TCF4: variants seen among roughly 807,000 people sequenced by gnomAD.
The protein encoded by TCF4 is transcription factor 4, also known as SL3-3 enhancer factor 2.
Under a neutral mutation model 82.1 loss-of-function variants are expected in TCF4, and 3 were observed. That is an observed-to-expected ratio of 0.04 (90% CI 0.02 to 0.09). The LOEUF (loss-of-function observed/expected upper bound fraction) is 0.09. Ranked by LOEUF, TCF4 falls within the 10% of genes least tolerant of loss-of-function variation. The pLI is 1.00. For synonymous variants in TCF4, 276 were observed against 309.6 expected (o/e 0.89, Z 1.14); for missense variants, 518 against 852.7 (o/e 0.61, Z 4.89).
rs564252988 is a variant in TCF4, at chr18:55,392,058, G to T, written c.369+11396C>A. On this transcript the variant is annotated intron_variant, in intron 6 of 19. Transcript: ENST00000354452. ...GGCTCACTGCAACCTCCGCCTCCCA[G>T]GTTCAAGCAATTCTTGTGCCTCAGC... Among the ~76,000 whole-genome samples, 100 of 128,372 alleles carry T rather than the reference G, an allele frequency of 7.8e-4. 3 individuals carry two copies. The highest frequency in any genetic ancestry group is 2.7e-3 in the African/African-American group (88 of 32,902). 84.2% of individuals were successfully genotyped at this position (128,372 alleles called of 152,430 possible).
intron 5 of TCF4, among the ~76,000 whole-genome samples, chr18:55,429,455 T>C (rs374476156): frequency 6.6e-6 from 1 of 152,144 alleles, no homozygotes. Flanking sequence ...ATCTCTTCCA[T>C]GAGAACTCCT....
At chr18:55,562,780 C>A (rs1256450664) in intron 3 of TCF4, among the ~76,000 whole-genome samples, 3 of 152,096 alleles carry the variant, frequency 2.0e-5, no homozygotes, top group Non-Finnish European at 4.4e-5. Context: ...AACAACTTAG[C>A]CTTCTACCAT....
intron 3 of TCF4, among the ~76,000 whole-genome samples, chr18:55,528,698 C>G (rs1307083271): frequency 6.6e-6 from 1 of 152,182 alleles, no homozygotes; most frequent in Non-Finnish European, 1.5e-5. Flanking sequence ...AAAGCTGACC[C>G]TAAGCTACGT....
intron 2 of TCF4, among the ~76,000 whole-genome samples, chr18:55,622,879 C>T (rs2097722843): frequency 5.9e-5 from 1 of 16,952 alleles, no homozygotes; most frequent in African/African-American, 3.0e-4. Flanking sequence ...TCTTTCTCCA[C>T]TCTGTGTGTG....
chr18:55,288,869 A>G (rs928206268), intron 8 of TCF4, among the ~76,000 whole-genome samples: 2 of 152,236 alleles, frequency 1.3e-5, no homozygotes, highest in Admixed American at 1.3e-4. Context: ...ACGACTAAAT[A>G]TCAGCACACT....
At chr18:55,374,153 A>G (rs548016759) in intron 6 of TCF4, among the ~76,000 whole-genome samples, 78 of 152,314 alleles carry the variant, frequency 5.1e-4, no homozygotes, top group Non-Finnish European at 1.0e-3. Flanking sequence ...GGATGCAGCC[A>G]AAGCTGTAAC....
At chr18:55,275,567 A>T (rs1297911208) in intron 10 of TCF4, 52 bp downstream of exon 10, 1 of 1,612,560 alleles carries the variant, frequency 6.2e-7, no homozygotes, top group Non-Finnish European at 8.5e-7. Context: ...ACAGAGGACG[A>T]GGTTTAATCA....
In TCF4 at chr18:55,439,629, C is replaced by T. The variant is rs77851687; in HGVS notation, c.304+21390G>A. ...GGACACAAAAATCATCCTTAATAAGCACAGTAAACATTCAACGCTGGGCAT... is the reference window on the plus strand; with the variant it reads ...GGACACAAAAATCATCCTTAATAAGTACAGTAAACATTCAACGCTGGGCAT... On this transcript the variant is annotated intron_variant, in intron 5 of 19. Coordinates refer to ENST00000354452, the MANE Select transcript of TCF4 (RefSeq NM_001083962.2). Among the ~76,000 whole-genome samples the T allele has an allele frequency of 1.0e-3, 156 of 152,314 alleles. 1 individual carries two copies. The highest frequency in any genetic ancestry group is 3.6e-3 in the African/African-American group (148 of 41,570).
At chr18:55,360,407 A>G (rs1443705474) in intron 6 of TCF4, among the ~76,000 whole-genome samples, 1 of 152,108 alleles carries the variant, frequency 6.6e-6, no homozygotes, top group Non-Finnish European at 1.5e-5. Flanking sequence ...ATATGGCCCC[A>G]TTTTTCTTAG....
intron 5 of TCF4, among the ~76,000 whole-genome samples, chr18:55,408,498 G>GAAC (rs2094199482): frequency 6.6e-6 from 1 of 152,138 alleles, no homozygotes; most frequent in African/African-American, 2.4e-5. Context: ...TAGTAGTTCT[G>GAAC]AACACATACA....
chr18:55,440,332 C>A (rs1252767821), intron 5 of TCF4, among the ~76,000 whole-genome samples: 1 of 152,128 alleles, frequency 6.6e-6, no homozygotes. Context: ...TTTTAGGTGA[C>A]TACCGCTAAG....
intron 8 of TCF4, chr18:55,284,179 G>A (rs897621592): frequency 6.6e-6 from 1 of 152,124 alleles, no homozygotes; most frequent in East Asian, 1.9e-4. Flanking sequence ...TTGGGAGGTT[G>A]AGGTGGGTGG....
At chr18:55,483,096 C>T (rs927571730) in intron 3 of TCF4, among the ~76,000 whole-genome samples, 11 of 152,122 alleles carry the variant, frequency 7.2e-5, no homozygotes, top group African/African-American at 7.2e-5. Flanking sequence ...GTACCCAGCA[C>T]GGGGTAGGGG....
At chr18:55,338,373 G>A (rs74916982) in intron 8 of TCF4, among the ~76,000 whole-genome samples, 1,677 of 152,254 alleles carry the variant, frequency 0.011, 46 homozygotes, top group African/African-American at 0.036. Context: ...CACAGGGGAC[G>A]GAGAGGCACT....
chr18:55,501,955 AT>A (rs2096706958), intron 3 of TCF4, among the ~76,000 whole-genome samples: 1 of 152,204 alleles, frequency 6.6e-6, no homozygotes, highest in South Asian at 2.1e-4. Context: ...ATGGTGATAG[AT>A]AAGTAGCAAC....
chr18:55,558,618 A>G (rs531948634), intron 3 of TCF4, among the ~76,000 whole-genome samples: 1 of 152,350 alleles, frequency 6.6e-6, no homozygotes, highest in Non-Finnish European at 1.5e-5. Context: ...TATATGGATA[A>G]GCTTGAAAGA....
chr18:55,241,359 C>G (rs1372631926), intron 15 of TCF4, among the ~76,000 whole-genome samples: 1 of 152,232 alleles, frequency 6.6e-6, no homozygotes, highest in Non-Finnish European at 1.5e-5. Context: ...ATTAACAGAG[C>G]CCATTCCTCT....
At chr18:55,634,044 G>A (rs892055953) in intron 1 of TCF4, among the ~76,000 whole-genome samples, 10 of 152,192 alleles carry the variant, frequency 6.6e-5, no homozygotes, top group East Asian at 5.8e-4. Flanking sequence ...CAAGGCGGGC[G>A]GGTCACCTGA....
chr18:55,259,910 A>G, intron 13 of TCF4, 39 bp downstream of exon 13: 1 of 1,538,534 alleles, frequency 6.5e-7, no homozygotes, highest in Non-Finnish European at 9.0e-7. Context: ...TCATTCTTAT[A>G]AACTGTTATA....
Sources: allele counts gnomAD v4.1 joint callset (sites outside exome capture counted in the v4.1 genomes callset), GRCh38; gene constraint gnomAD v4.1.1; transcripts MANE v1.5; gene names NCBI Gene and HGNC (gene_info 2026-07-23, HGNC 2026-07-21).